Variants in EPN3 observed in about 807,000 individuals in gnomAD.
The protein encoded by EPN3 is epsin-3.
In EPN3, 56 loss-of-function variants were observed where a neutral mutation model predicts 55.5. The observed-to-expected ratio is 1.01, with a 90% CI of 0.81 to 1.26. The LOEUF is 1.26. Among genes scored for constraint, EPN3 ranks in the 50% most tolerant of loss-of-function variants. The pLI is 0.00. For missense variants in EPN3, 927 were observed against 853.4 expected (o/e 1.09, Z -1.07); for synonymous variants, 449 against 375.2 (o/e 1.20, Z -2.27).
Position 50,537,094 on chromosome 17 carries a change from C to A in EPN3, c.538C>A (p.Arg180=). 3.1e-6 allele frequency: 5 copies of A among 1,606,566 alleles called. No homozygotes were observed. Among genetic ancestry groups the A allele is most frequent in the African/African-American group, 1.3e-5 (1 of 74,984 alleles). ...CTACGGCGAGGACTACAGCCGCTCC[C>A]GGGGCTCCCCGTCCTCCTACAACTG... ...RRYGEDYSRS[R]GSPSSYNSSS... is the part of the protein sequence containing the mutation. The change falls in exon 2 of 10, where the codon CGG becomes AGG. Residue 180 remains arginine, a synonymous_variant. Coordinates refer to ENST00000268933, the MANE Select transcript of EPN3 (RefSeq NM_017957.3).
At chr17:50,537,922 C>G in intron 2 of EPN3, 157 bp from the exon 3 acceptor site, 1 of 614,384 alleles carries the variant, frequency 1.6e-6, no homozygotes, top group East Asian at 2.9e-5. Flanking sequence ...GGATGGGGAA[C>G]TTACAGAGTG....
rs1567905858 is a variant in EPN3, at chr17:50,541,891, G to C, written c.1633G>C (p.Gly545Arg). Residue 545 changes from glycine to arginine, a missense_variant, in exon 10 of 10, where the codon GGC becomes CGC. Coordinates refer to ENST00000268933, the MANE Select transcript of EPN3 (RefSeq NM_017957.3). The part of the protein sequence containing the change: ...PTNPFGAGEP[G>R]RPTLNQMRTG... Reference sequence around the variant, plus strand: ...CAACCCGTTCGGCGCGGGCGAGCCGGGCAGGCCGACGCTAAACCAGATGCG... The same window carrying C: ...CAACCCGTTCGGCGCGGGCGAGCCGCGCAGGCCGACGCTAAACCAGATGCG... 7 of 1,606,198 alleles carry C rather than the reference G, an allele frequency of 4.4e-6. No individual in the cohort carries two copies. The highest frequency in any genetic ancestry group is 5.1e-6 in the Non-Finnish European group (6 of 1,179,768).
At position 50,536,537 on chromosome 17, in the gene EPN3, C is replaced by T. The variant is rs993821938; in HGVS notation, c.-20C>T. 6.2e-7 allele frequency: 1 copy of T among 1,613,046 alleles called. No individual in the cohort carries two copies. Among genetic ancestry groups the T allele is most frequent in the South Asian group, 1.1e-5 (1 of 91,082 alleles). Reference sequence around the variant, plus strand: ...CACCTCCGGCGGGGGCGAGGGCCACCCACCTCCAAGTCTCCAGCCATGACG... The same window carrying T: ...CACCTCCGGCGGGGGCGAGGGCCACTCACCTCCAAGTCTCCAGCCATGACG... On this transcript the variant is annotated 5_prime_UTR_variant, in exon 2 of 10. Transcript: ENST00000268933.
Position 50,538,868 on chromosome 17 carries a change from C to G in EPN3, c.682-16C>G. On this transcript the variant is annotated splice_polypyrimidine_tract_variant and intron_variant, in intron 3 of 9. Transcript: ENST00000268933. ...TGGGGGTACAGGGCCAAGTTTACCC[C>G]TCTCTTCCTCCGCAGCCTGTCCCCC... The G allele has an allele frequency of 6.4e-7, 1 of 1,572,480 alleles. No homozygotes were observed. The highest frequency in any genetic ancestry group is 2.3e-5 in the East Asian group (1 of 44,294).
rs2034812495 is a variant in EPN3, at chr17:50,539,323, G to A, written c.891+8G>A. ...AAGCTAAAAACCAGCCAGGTAGGGAGTGGGCTGCGGTGCTTGGGATGGACA... is the reference window on the plus strand; with the variant it reads ...AAGCTAAAAACCAGCCAGGTAGGGAATGGGCTGCGGTGCTTGGGATGGACA... On this transcript the variant is annotated splice_region_variant and intron_variant, in intron 5 of 9. Coordinates refer to ENST00000268933, the MANE Select transcript of EPN3 (RefSeq NM_017957.3). 4 of 1,613,956 alleles carry A rather than the reference G, an allele frequency of 2.5e-6. No homozygotes were observed. Among genetic ancestry groups the A allele is most frequent in the South Asian group, 1.1e-5 (1 of 91,056 alleles).
chr17:50,538,258 G>A, intron 3 of EPN3, 61 bp downstream of exon 3: 1 of 1,377,734 alleles, frequency 7.3e-7, no homozygotes, highest in Non-Finnish European at 1.0e-6. Flanking sequence ...AGAGTGCCTG[G>A]GAGCCCCTTG....
rs1186760367 is a variant in EPN3 at position 50,543,564 on chromosome 17, C to T, written c.*1407C>T. 1 of 152,228 alleles carries T rather than the reference C, an allele frequency of 6.6e-6. No individual in the cohort carries two copies. The highest frequency in any genetic ancestry group is 1.5e-5 in the Non-Finnish European group (1 of 68,050). The allele number at this position is 152,228 out of a possible 1,614,324, so 9.4% of individuals were successfully genotyped here. A position where few individuals can be genotyped will look rare whatever the true frequency, so the allele number is the denominator to read the frequency against. ...AGTGGAGAGGCACAATGCCACTCCC[C>T]TTCCTGAGGTGGGGGTAGGGGAAGG... On this transcript the variant is annotated 3_prime_UTR_variant, in exon 10 of 10. Transcript: ENST00000268933.
chr17:50,537,745 AC>A (rs770582118), intron 2 of EPN3, among the ~76,000 whole-genome samples: 2 of 151,838 alleles, frequency 1.3e-5, no homozygotes, highest in Non-Finnish European at 2.9e-5. Context: ...CTATCCTTGC[AC>A]CTCCCTTGCC....
intron 2 of EPN3, 101 bp downstream of exon 2, chr17:50,537,219 G>T: frequency 8.2e-7 from 1 of 1,213,364 alleles, no homozygotes; most frequent in Non-Finnish European, 1.1e-6. Flanking sequence ...CCTCCGAGGG[G>T]TGTTATGAAG....
chr17:50,537,892 C>T (rs967282630), intron 2 of EPN3, 187 bp from the exon 3 acceptor site: 27 of 570,234 alleles, frequency 4.7e-5, no homozygotes, highest in African/African-American at 4.6e-4. Flanking sequence ...TGGAGCCGCC[C>T]CTCCATCCGG....
rs887313883 is a variant in EPN3 at position 50,543,223 on chromosome 17, C to T, written c.*1066C>T. 2.0e-5 allele frequency: 3 copies of T among 152,260 alleles called. No individual in the cohort carries two copies. The highest frequency in any genetic ancestry group is 7.2e-5 in the African/African-American group (3 of 41,458). The allele number at this position is 152,260 out of a possible 1,614,324, so 9.4% of individuals were successfully genotyped here. A position where few individuals can be genotyped will look rare whatever the true frequency, so the allele number is the denominator to read the frequency against. On this transcript the variant is annotated 3_prime_UTR_variant, in exon 10 of 10. Coordinates refer to ENST00000268933, the MANE Select transcript of EPN3 (RefSeq NM_017957.3). Reference sequence around the variant, plus strand: ...CAGGCTCCTTTGTTTTACTGAGTCACCTTAAATGTAACTCTGCCCTCTCCC... The same window carrying T: ...CAGGCTCCTTTGTTTTACTGAGTCATCTTAAATGTAACTCTGCCCTCTCCC...
At position 50,536,425 on chromosome 17, in the gene EPN3, A is replaced by T; in HGVS notation, c.-132A>T. 6.6e-7 allele frequency: 1 copy of T among 1,517,928 alleles called. No homozygotes were observed. The highest frequency in any genetic ancestry group is 8.7e-7 in the Non-Finnish European group (1 of 1,143,436). 94.0% of individuals were successfully genotyped at this position (1,517,928 alleles called of 1,614,324 possible). On this transcript the variant is annotated 5_prime_UTR_variant, in exon 2 of 10. It removes an upstream start codon present in the reference 5' UTR. Transcript: ENST00000268933. Reference sequence around the variant, plus strand: ...TCCTGGCCCTCTCTTCCTCAGCCCCATGTGGAACCCAAGGATGCAGCTGCT... The same window carrying T: ...TCCTGGCCCTCTCTTCCTCAGCCCCTTGTGGAACCCAAGGATGCAGCTGCT...
intron 2 of EPN3, 25 bp downstream of exon 2, chr17:50,537,143 G>A: frequency 6.5e-7 from 1 of 1,545,396 alleles, no homozygotes; most frequent in South Asian, 1.2e-5. Context: ...GTGTGTGGCT[G>A]GGATGGGGAG....
At chr17:50,538,987 C>G (rs781230709) in intron 4 of EPN3, 23 bp downstream of exon 4, 1 of 1,577,924 alleles carries the variant, frequency 6.3e-7, no homozygotes, top group African/African-American at 1.4e-5. Flanking sequence ...GCCCGCTGGG[C>G]TGCCGGTGCT....
rs78111408 is a variant in EPN3 at position 50,540,999 on chromosome 17, C to T, written c.1186C>T (p.His396Tyr). ...CCCCTGGGCCCTGAACTCTCCCCAC[C>T]ACAAACTCCCCAGCACTGGGGCTGA... ...TDPWALNSPH[H>Y]KLPSTGADPW... Residue 396 changes from histidine to tyrosine, a missense_variant, in exon 7 of 10, where the codon CAC becomes TAC. Coordinates refer to ENST00000268933, the MANE Select transcript of EPN3 (RefSeq NM_017957.3). 37,776 of 1,605,908 alleles carry T rather than the reference C, an allele frequency of 0.024. 1,475 individuals carry two copies. Among genetic ancestry groups the T allele is most frequent in the Admixed American group, 0.17 (10,326 of 59,692 alleles).
chr17:50,538,671 A>G (rs2034799201), intron 3 of EPN3: 1 of 483,254 alleles, frequency 2.1e-6, no homozygotes, highest in South Asian at 5.2e-5. Flanking sequence ...AGGATTCAGA[A>G]GCGAAAGATC....
At position 50,542,495 on chromosome 17, in the gene EPN3, C is replaced by T. The variant is rs1348389264; in HGVS notation, c.*338C>T. On this transcript the variant is annotated 3_prime_UTR_variant, in exon 10 of 10. Transcript: ENST00000268933. ...CAAAACTGCCCCGCTTCCTTTACAG[C>T]TCTTCTCAACCCTCACCTCCATCCC... 7.1e-6 allele frequency: 2 copies of T among 281,996 alleles called. No individual in the cohort carries two copies. Among genetic ancestry groups the T allele is most frequent in the Non-Finnish European group, 1.3e-5 (2 of 152,302 alleles). 17.5% of individuals were successfully genotyped at this position (281,996 alleles called of 1,614,324 possible). A position where few individuals can be genotyped will look rare whatever the true frequency, so the allele number is the denominator to read the frequency against.
rs1416845101 is a variant in EPN3 at position 50,541,958 on chromosome 17, G to A, written c.1700G>A (p.Gly567Glu). 6 of 1,595,542 alleles carry A rather than the reference G, an allele frequency of 3.8e-6. No homozygotes were observed. Among genetic ancestry groups the A allele is most frequent in the Non-Finnish European group, 5.1e-6 (6 of 1,177,252 alleles). Residue 567 changes from glycine to glutamate, a missense_variant, in exon 10 of 10, where the codon GGG (glycine) becomes GAG (glutamate). Transcript: ENST00000268933. ...CTGGGCCTGGCAGGCGGGCCTGTGG[G>A]GGCGCCCCTGGGCTCCATGACCTAC... ...PALGLAGGPVGAPLGSMTYSA... is the reference protein window; with the variant it reads ...PALGLAGGPVEAPLGSMTYSA...
intron 3 of EPN3, 105 bp downstream of exon 3, chr17:50,538,302 G>C: frequency 1.2e-6 from 1 of 854,562 alleles, no homozygotes; most frequent in Non-Finnish European, 1.8e-6. Flanking sequence ...CAAAGCCCCA[G>C]TCCTGTGCCC....
Sources: allele counts gnomAD v4.1 joint callset (sites outside exome capture counted in the v4.1 genomes callset), GRCh38; gene constraint gnomAD v4.1.1; transcripts MANE v1.5; gene names NCBI Gene and HGNC (gene_info 2026-07-23, HGNC 2026-07-21).